The following NAALADL2 variants were observed in gnomAD, a reference collection of about 807,000 sequenced individuals.
The protein encoded by NAALADL2 is inactive N-acetylated-alpha-linked acidic dipeptidase-like protein 2.
NAALADL2 carries 76 observed loss-of-function variants against 87.2 expected under a neutral mutation model. The observed-to-expected ratio is 0.87, with a 90% CI of 0.72 to 1.05. NAALADL2 has a LOEUF of 1.05. Among genes scored for constraint, NAALADL2 ranks in the 50% least tolerant of loss-of-function variants. NAALADL2 has a pLI of 0.00. For missense variants in NAALADL2, 1,089 were observed against 945.8 expected (o/e 1.15, Z -1.99); for synonymous variants, 354 against 331.0 (o/e 1.07, Z -0.75).
At chr3:174,815,206 A>T (rs1390094923) in intron 3 of NAALADL2, among the ~76,000 whole-genome samples, 1 of 152,090 alleles carries the variant, frequency 6.6e-6, no homozygotes, top group Non-Finnish European at 1.5e-5. Flanking sequence ...TGTTGTAACA[A>T]AGTATACCAC....
chr3:175,119,622 T>C (rs1725807107), intron 2 of NAALADL2, among the ~76,000 whole-genome samples: 1 of 150,690 alleles, frequency 6.6e-6, no homozygotes, highest in East Asian at 2.0e-4. Context: ...TGAAAAGCCT[T>C]ATATGACATC....
chr3:175,104,908 A>G (rs1722834132), intron 2 of NAALADL2, among the ~76,000 whole-genome samples: 1 of 152,136 alleles, frequency 6.6e-6, no homozygotes, highest in Non-Finnish European at 1.5e-5. Context: ...GCAACTCCTT[A>G]ACTCGGAGTT....
At chr3:175,778,442 G>T (rs995996881) in intron 13 of NAALADL2, among the ~76,000 whole-genome samples, 1 of 152,168 alleles carries the variant, frequency 6.6e-6, no homozygotes, top group Non-Finnish European at 1.5e-5. Context: ...CTTGTTCCGG[G>T]AAAGTTCCTT....
intron 3 of NAALADL2, among the ~76,000 whole-genome samples, chr3:174,804,501 A>G (rs1295130336): frequency 6.6e-6 from 1 of 152,104 alleles, no homozygotes; most frequent in Non-Finnish European, 1.5e-5. Context: ...TTCCAACGCT[A>G]TGTTGAATAG....
At chr3:174,831,648 G>T (rs373792640) in intron 3 of NAALADL2, among the ~76,000 whole-genome samples, 11,036 of 143,526 alleles carry the variant, frequency 0.077, 541 homozygotes, top group Middle Eastern at 0.11. Context: ...GGATTCCCTC[G>T]TTTTCTATTG....
At chr3:175,131,443 ATG>A (rs1328526380) in intron 2 of NAALADL2, among the ~76,000 whole-genome samples, 3 of 152,180 alleles carry the variant, frequency 2.0e-5, no homozygotes, top group Non-Finnish European at 4.4e-5. Flanking sequence ...GACACAGCAC[ATG>A]TTTCAGAGAG....
chr3:175,036,975 G>T (rs1753494037), intron 1 of NAALADL2, among the ~76,000 whole-genome samples: 1 of 151,854 alleles, frequency 6.6e-6, no homozygotes, highest in South Asian at 2.1e-4. Flanking sequence ...TTCACTCAGA[G>T]CTACTCTCTC....
intron 1 of NAALADL2, among the ~76,000 whole-genome samples, chr3:174,907,624 A>G (rs1436155709): frequency 1.3e-5 from 2 of 152,144 alleles, no homozygotes; most frequent in Non-Finnish European, 2.9e-5. Flanking sequence ...CTACTAAATA[A>G]CATTTTATCG....
chr3:175,720,812 C>G (rs1214517666), intron 11 of NAALADL2, among the ~76,000 whole-genome samples: 1 of 152,076 alleles, frequency 6.6e-6, no homozygotes, highest in African/African-American at 2.4e-5. Context: ...GAATTCTGTA[C>G]TAATCTAAAG....
At chr3:175,409,683 G>A (rs1418807583) in intron 5 of NAALADL2, among the ~76,000 whole-genome samples, 1 of 151,504 alleles carries the variant, frequency 6.6e-6, no homozygotes, top group Non-Finnish European at 1.5e-5. Flanking sequence ...ATTAATTTAG[G>A]TAGTTCAACA....
chr3:174,806,779 G>A (rs1370857185), intron 3 of NAALADL2, among the ~76,000 whole-genome samples: 1 of 152,128 alleles, frequency 6.6e-6, no homozygotes, highest in Admixed American at 6.6e-5. Context: ...TTCAAGCTAT[G>A]TATATCCAAA....
intron 4 of NAALADL2, among the ~76,000 whole-genome samples, chr3:175,272,393 T>A (rs962311933): frequency 2.0e-5 from 3 of 152,154 alleles, no homozygotes; most frequent in African/African-American, 7.2e-5. Context: ...ATTCTTTATT[T>A]TAAAAATGAG....
At chr3:174,685,801 T>C (rs1727978885) in intron 2 of NAALADL2, among the ~76,000 whole-genome samples, 1 of 152,116 alleles carries the variant, frequency 6.6e-6, no homozygotes, top group Non-Finnish European at 1.5e-5. Context: ...TAGTTATTTT[T>C]CCTGATCTTC....
chr3:175,747,109 G>T (rs2150113010), intron 12 of NAALADL2, among the ~76,000 whole-genome samples: 1 of 152,308 alleles, frequency 6.6e-6, no homozygotes, highest in African/African-American at 2.4e-5. Context: ...CCCATTGTCA[G>T]AGTATGTCTT....
intron 13 of NAALADL2, among the ~76,000 whole-genome samples, chr3:175,795,993 CT>C (rs1753429857): frequency 6.6e-6 from 1 of 150,874 alleles, no homozygotes; most frequent in South Asian, 2.1e-4. Context: ...TGACCAGATC[CT>C]TGTGTTATTT....
At chr3:175,170,390 A>G (rs1734626019) in intron 2 of NAALADL2, among the ~76,000 whole-genome samples, 1 of 148,828 alleles carries the variant, frequency 6.7e-6, no homozygotes, top group African/African-American at 2.4e-5. Context: ...TTACTTAACA[A>G]AAATGGAGCA....
chr3:175,721,122 G>A (rs1175539019), intron 11 of NAALADL2, among the ~76,000 whole-genome samples: 4 of 151,942 alleles, frequency 2.6e-5, no homozygotes, highest in Admixed American at 1.3e-4. Context: ...AGCATCTTGC[G>A]TAGTTCATAG....
chr3:174,452,708 T>G (rs1715567968), intron 1 of NAALADL2, among the ~76,000 whole-genome samples: 2 of 151,662 alleles, frequency 1.3e-5, no homozygotes, highest in Admixed American at 1.3e-4. Context: ...ACCAGTTGAC[T>G]GAATCCACCT....
chr3:174,684,567 AT>A (rs1194913213), intron 2 of NAALADL2, among the ~76,000 whole-genome samples: 6 of 152,036 alleles, frequency 3.9e-5, no homozygotes, highest in African/African-American at 7.2e-5. Flanking sequence ...AGATTCATGA[AT>A]TTTTCCATAC....
Sources: gnomAD v4.1 joint callset for allele counts (sites outside exome capture counted in the v4.1 genomes callset) on GRCh38, gnomAD v4.1.1 for gene constraint, MANE v1.5 for transcripts, NCBI Gene and HGNC (gene_info 2026-07-23, HGNC 2026-07-21) for gene names.